Variants in ACAA2 observed in about 807,000 individuals in gnomAD.
The protein encoded by ACAA2 is 3-ketoacyl-CoA thiolase, mitochondrial.
In ACAA2, 35 loss-of-function variants were observed where a neutral mutation model predicts 44.8. The ratio of observed to expected loss-of-function variants is 0.78; its 90% CI spans 0.60 to 1.04. ACAA2 has a LOEUF of 1.04. Ranked by LOEUF, ACAA2 falls within the 50% of genes least tolerant of loss-of-function variation. The probability of loss-of-function intolerance (pLI) is 0.00; values close to 1 mark genes in which losing one functional copy is unlikely to be tolerated. For missense variants in ACAA2, 468 were observed against 482.6 expected (o/e 0.97, Z 0.28); for synonymous variants, 142 against 166.5 (o/e 0.85, Z 1.13).
At chr18:49,808,992 C>CA (rs1433315710) in intron 1 of ACAA2, among the ~76,000 whole-genome samples, 1 of 152,090 alleles carries the variant, frequency 6.6e-6, no homozygotes, top group African/African-American at 2.4e-5. Context: ...CCGCATAAGA[C>CA]AGACACTCCC....
intron 3 of ACAA2, among the ~76,000 whole-genome samples, 186 bp downstream of exon 3, chr18:49,797,276 TTTTC>T (rs1355169856): frequency 4.6e-5 from 7 of 151,588 alleles, no homozygotes; most frequent in African/African-American, 1.7e-4. Context: ...TTTTTTTTTT[TTTTC>T]TTTTTTTTGG....
At chr18:49,809,510 A>G (rs559598794) in intron 1 of ACAA2, among the ~76,000 whole-genome samples, 1 of 152,178 alleles carries the variant, frequency 6.6e-6, no homozygotes, top group Admixed American at 6.6e-5. Flanking sequence ...GGATAAACAA[A>G]CTGTGGTGCA....
chr18:49,813,171 G>A, intron 1 of ACAA2: 1 of 332,444 alleles, frequency 3.0e-6, no homozygotes, highest in Non-Finnish European at 5.4e-6. Context: ...AACTAGTGGG[G>A]TCACTGTTAG....
intron 1 of ACAA2, among the ~76,000 whole-genome samples, chr18:49,811,157 T>G (rs542950262): frequency 5.3e-5 from 8 of 151,978 alleles, no homozygotes; most frequent in African/African-American, 1.9e-4. Flanking sequence ...AAGAGACCTA[T>G]TAACCCAGAG....
intron 9 of ACAA2, 123 bp downstream of exon 9, chr18:49,785,074 G>A: frequency 8.4e-7 from 1 of 1,187,830 alleles, no homozygotes; most frequent in Non-Finnish European, 1.2e-6. Context: ...CTTGTTCCTG[G>A]TAACAGCCAG....
intron 7 of ACAA2, among the ~76,000 whole-genome samples, chr18:49,788,087 T>G (rs1203256130): frequency 4.6e-5 from 7 of 152,226 alleles, no homozygotes; most frequent in Non-Finnish European, 1.0e-4. Context: ...GAAATGCAAC[T>G]CCATCTAATA....
intron 2 of ACAA2, among the ~76,000 whole-genome samples, chr18:49,800,889 A>AT (rs1000329753): frequency 1.1e-4 from 12 of 113,990 alleles, no homozygotes; most frequent in South Asian, 3.2e-4. Context: ...AGAATGATCA[A>AT]TAAAAAAAAA....
intron 2 of ACAA2, among the ~76,000 whole-genome samples, chr18:49,801,567 C>A (rs766601632): frequency 6.6e-6 from 1 of 151,878 alleles, no homozygotes; most frequent in African/African-American, 2.4e-5. Context: ...ACAGACATAA[C>A]TGCCAAAGGA....
At chr18:49,808,654 T>G (rs1002398992) in intron 1 of ACAA2, among the ~76,000 whole-genome samples, 6 of 152,080 alleles carry the variant, frequency 3.9e-5, no homozygotes, top group African/African-American at 1.4e-4. Context: ...GGGGAGCAGG[T>G]GTACGAACAG....
chr18:49,804,083 G>A (rs986412090), intron 1 of ACAA2, among the ~76,000 whole-genome samples: 3 of 151,976 alleles, frequency 2.0e-5, no homozygotes, highest in Non-Finnish European at 4.4e-5. Flanking sequence ...GCTAATTTTT[G>A]TATTTTTAGT....
Position 49,785,176 on chromosome 18 carries a change from GCAGCTATTTCTAGCAAATA to G in ACAA2, c.1109+2_1109+20del. On this transcript the variant is annotated splice_donor_variant and splice_donor_5th_base_variant and intron_variant, in intron 9 of 9. Transcript: ENST00000285093. LOFTEE classifies it high-confidence loss of function. ...CTATAAAAAACAGCAAATCTGAAATGCAGCTATTTCTAGCAAATACCTTAATTCGTGAACCAGGTGTGCA... is the reference window on the plus strand; with the variant it reads ...CTATAAAAAACAGCAAATCTGAAATGCCTTAATTCGTGAACCAGGTGTGCA... 1 of 1,603,088 alleles carries G rather than the reference GCAGCTATTTCTAGCAAATA, an allele frequency of 6.2e-7. No individual in the cohort carries two copies. Among genetic ancestry groups the G allele is most frequent in the East Asian group, 2.2e-5 (1 of 44,760 alleles).
intron 2 of ACAA2, among the ~76,000 whole-genome samples, chr18:49,799,946 C>T (rs1330630543): frequency 4.6e-5 from 7 of 150,842 alleles, no homozygotes; most frequent in South Asian, 2.1e-4. Flanking sequence ...GCCCGGCAAC[C>T]GCCCCGTCTA....
At chr18:49,801,003 A>G (rs2023541230) in intron 2 of ACAA2, among the ~76,000 whole-genome samples, 1 of 152,116 alleles carries the variant, frequency 6.6e-6, no homozygotes, top group Non-Finnish European at 1.5e-5. Flanking sequence ...TATAACTTCT[A>G]TTCAACATTG....
chr18:49,797,588 A>G lies in ACAA2; in HGVS notation c.190T>C (p.Ser64Pro). Residue 64 changes from serine (S) to proline (P), a missense_variant, in exon 3 of 10, where the codon TCA becomes CCA. Physicochemically the swap from Ser to Pro is moderately conservative, Grantham distance 74. Coordinates refer to ENST00000285093, the MANE Select transcript of ACAA2 (RefSeq NM_006111.3). ...VIMGNVLQSSSDAIYLARHVG... is the reference protein window; with the variant it reads ...VIMGNVLQSSPDAIYLARHVG... ...TGCCTTGCCAAATATATAGCATCTG[A>G]AGAACTCTAGAAGAGAGAAGGAAAA... 1 of 1,605,860 alleles carries G rather than the reference A, an allele frequency of 6.2e-7. No individual in the cohort carries two copies. The highest frequency in any genetic ancestry group is 8.5e-7 in the Non-Finnish European group (1 of 1,177,396).
intron 3 of ACAA2, among the ~76,000 whole-genome samples, 198 bp from the exon 4 acceptor site, chr18:49,796,079 A>G (rs1230298655): frequency 9.9e-5 from 15 of 152,194 alleles, no homozygotes; most frequent in Admixed American, 9.8e-4. Flanking sequence ...GGAGGAGAAA[A>G]CTAAAAGGTT....
intron 3 of ACAA2, 48 bp from the exon 4 acceptor site, chr18:49,795,929 C>A: frequency 8.5e-7 from 1 of 1,173,280 alleles, no homozygotes; most frequent in South Asian, 1.3e-5. Flanking sequence ...CGTACCCAAA[C>A]AATGTATTAA....
chr18:49,792,093 G>T, intron 6 of ACAA2, 59 bp downstream of exon 6: 1 of 1,390,756 alleles, frequency 7.2e-7, no homozygotes, highest in Non-Finnish European at 1.0e-6. Flanking sequence ...GATACTTCAT[G>T]ATTACTTTTG....
intron 1 of ACAA2, among the ~76,000 whole-genome samples, chr18:49,808,961 G>A (rs1046636870): frequency 9.9e-5 from 15 of 152,024 alleles, no homozygotes; most frequent in Non-Finnish European, 2.9e-5. Context: ...AGACCAGGGG[G>A]TATTTCAGTC....
At chr18:49,793,527 T>TA (rs1307546737) in intron 5 of ACAA2, among the ~76,000 whole-genome samples, 2 of 152,128 alleles carry the variant, frequency 1.3e-5, no homozygotes, top group African/African-American at 2.4e-5. Context: ...AACATATAAG[T>TA]AAAAAAACAC....
Sources: gnomAD v4.1 joint callset for allele counts (sites outside exome capture counted in the v4.1 genomes callset) on GRCh38, gnomAD v4.1.1 for gene constraint, MANE v1.5 for transcripts, NCBI Gene and HGNC (gene_info 2026-07-23, HGNC 2026-07-21) for gene names.